ATP8A2: variants seen among roughly 807,000 people sequenced by gnomAD.
The protein encoded by ATP8A2 is phospholipid-transporting ATPase IB.
A neutral mutation model predicts 165.6 loss-of-function variants in ATP8A2; 100 were observed. The ratio of observed to expected loss-of-function variants is 0.60; its 90% CI spans 0.51 to 0.71. The LOEUF is 0.71. ATP8A2 is among the 30% of genes least tolerant of loss of function. ATP8A2 has a pLI of 0.00. For synonymous variants in ATP8A2, 543 were observed against 548.8 expected (o/e 0.99, Z 0.15); for missense variants, 1,227 against 1,479.5 (o/e 0.83, Z 2.80).
intron 1 of ATP8A2, among the ~76,000 whole-genome samples, chr13:25,416,782 T>C (rs141717244): frequency 5.9e-5 from 9 of 152,236 alleles, no homozygotes; most frequent in Non-Finnish European, 1.0e-4. Context: ...ACTTTATTAA[T>C]ATTTATGATT....
At chr13:25,814,983 G>C (rs972086065) in intron 27 of ATP8A2, among the ~76,000 whole-genome samples, 2 of 151,902 alleles carry the variant, frequency 1.3e-5, no homozygotes, top group African/African-American at 2.4e-5. Flanking sequence ...GCAGTAGGCC[G>C]TGATTATACC....
intron 35 of ATP8A2, among the ~76,000 whole-genome samples, chr13:25,979,068 AGTCTCTGTCACTAGTG>A (rs1956126295): frequency 6.7e-6 from 1 of 150,192 alleles, no homozygotes. Flanking sequence ...ACTAGTGACT[AGTCTCTGTCACTAGTG>A]GTCTCTGTCA....
At chr13:25,769,463 G>T (rs1177688966) in intron 26 of ATP8A2, among the ~76,000 whole-genome samples, 1 of 152,210 alleles carries the variant, frequency 6.6e-6, no homozygotes, top group Non-Finnish European at 1.5e-5. Context: ...TGGCCAAGCT[G>T]CTCTGTGATC....
intron 33 of ATP8A2, among the ~76,000 whole-genome samples, chr13:25,907,430 G>A (rs953070954): frequency 1.3e-5 from 2 of 152,160 alleles, no homozygotes; most frequent in Admixed American, 6.5e-5. Flanking sequence ...TTGGATAATC[G>A]TTTACTAACA....
chr13:25,424,241 G>A (rs2034379882), intron 1 of ATP8A2, among the ~76,000 whole-genome samples: 2 of 152,158 alleles, frequency 1.3e-5, no homozygotes, highest in Non-Finnish European at 2.9e-5. Flanking sequence ...AATATGTGTT[G>A]ACCGAAGATA....
intron 24 of ATP8A2, among the ~76,000 whole-genome samples, chr13:25,656,524 C>A (rs192400642): frequency 6.6e-6 from 1 of 151,970 alleles, no homozygotes; most frequent in South Asian, 2.1e-4. Context: ...CTGCCCACCT[C>A]GGCCTCCGAA....
chr13:25,594,357 T>C (rs1258241589), intron 24 of ATP8A2, among the ~76,000 whole-genome samples: 1 of 152,176 alleles, frequency 6.6e-6, no homozygotes, highest in East Asian at 1.9e-4. Flanking sequence ...TAGCAATAAT[T>C]AAGTTGAATA....
At chr13:25,963,373 G>GTA (rs1955704058) in intron 34 of ATP8A2, among the ~76,000 whole-genome samples, 1 of 135,776 alleles carries the variant, frequency 7.4e-6, no homozygotes, top group Non-Finnish European at 1.5e-5. Flanking sequence ...CAGCCTGGGC[G>GTA]ACAGAGCGAG....
intron 1 of ATP8A2, among the ~76,000 whole-genome samples, chr13:25,404,435 A>G (rs9553609): frequency 0.13 from 19,290 of 152,070 alleles, 1,848 homozygotes; most frequent in African/African-American, 0.26. Flanking sequence ...CCGTGCCACA[A>G]TGAGATTCAC....
At chr13:25,377,789 C>G (rs1033542893) in intron 1 of ATP8A2, among the ~76,000 whole-genome samples, 1 of 151,994 alleles carries the variant, frequency 6.6e-6, no homozygotes. Flanking sequence ...GAGACTCTCT[C>G]TCTAACAAAA....
At position 26,006,185 on chromosome 13, in the gene ATP8A2, T is replaced by C. The variant is rs76917935; in HGVS notation, c.3378-6346T>C. Among the ~76,000 whole-genome samples the C allele has an allele frequency of 1.3e-3, 203 of 152,204 alleles. 1 individual carries two copies. The highest frequency in any genetic ancestry group is 6.6e-3 in the South Asian group (32 of 4,832). On this transcript the variant is annotated intron_variant, in intron 35 of 36. Transcript: ENST00000381655. ...TTCAATTTATTTGGGATGTCTTTAA[T>C]GTTTTCAGAAGTGTTTTATAGTTTT...
chr13:25,698,758 T>G (rs1369345503), intron 24 of ATP8A2, among the ~76,000 whole-genome samples: 1 of 152,188 alleles, frequency 6.6e-6, no homozygotes, highest in African/African-American at 2.4e-5. Context: ...GGATTCAAAA[T>G]TAATATTTTG....
intron 35 of ATP8A2, among the ~76,000 whole-genome samples, chr13:26,003,790 G>A (rs1289074406): frequency 6.6e-6 from 1 of 152,050 alleles, no homozygotes; most frequent in East Asian, 1.9e-4. Flanking sequence ...TTTCTTCATT[G>A]TGTGTTATTA....
At position 26,011,822 on chromosome 13, in the gene ATP8A2, C is replaced by T. The variant is rs566297284; in HGVS notation, c.3378-709C>T. On this transcript the variant is annotated intron_variant, in intron 35 of 36. Transcript: ENST00000381655. Reference sequence around the variant, plus strand: ...TGGTGATGCACACCTGGGGTCCCAGCTACTCAGGAGGCTGAGGTGGGAGAG... The same window carrying T: ...TGGTGATGCACACCTGGGGTCCCAGTTACTCAGGAGGCTGAGGTGGGAGAG... Among the ~76,000 whole-genome samples, 225 of 152,224 alleles carry T rather than the reference C, an allele frequency of 1.5e-3. 1 individual carries two copies. Among genetic ancestry groups the T allele is most frequent in the African/African-American group, 5.1e-3 (214 of 41,554 alleles).
chr13:25,810,184 G>A (rs1950832234), intron 27 of ATP8A2, among the ~76,000 whole-genome samples: 1 of 152,172 alleles, frequency 6.6e-6, no homozygotes, highest in Admixed American at 6.5e-5. Context: ...TCTGAACGAG[G>A]CTTCTTACTG....
At chr13:25,943,495 T>C (rs1413888164) in intron 33 of ATP8A2, among the ~76,000 whole-genome samples, 1 of 152,168 alleles carries the variant, frequency 6.6e-6, no homozygotes, top group African/African-American at 2.4e-5. Context: ...CAGCTTGTAG[T>C]CTACAAGCAA....
At chr13:25,707,000 C>A (rs1266243276) in intron 25 of ATP8A2, among the ~76,000 whole-genome samples, 3 of 152,054 alleles carry the variant, frequency 2.0e-5, no homozygotes, top group Non-Finnish European at 4.4e-5. Flanking sequence ...TTCTTCAGCA[C>A]CATCTTGGAA....
chr13:25,550,680 C>T lies in ATP8A2; in HGVS notation c.892-658C>T, dbSNP rs965040078. ...TCCGTTTCTCCTTTGCTGTCTACAT[C>T]ATTCAGGATGCCACTCAGCTTTCTC... On this transcript the variant is annotated intron_variant, in intron 10 of 36. Transcript: ENST00000381655. Among the ~76,000 whole-genome samples, 29 of 152,204 alleles carry T rather than the reference C, an allele frequency of 1.9e-4. 1 individual carries two copies. The highest frequency in any genetic ancestry group is 6.8e-4 in the African/African-American group (28 of 41,458).
chr13:25,855,663 T>A (rs1158085503), intron 30 of ATP8A2, among the ~76,000 whole-genome samples: 1 of 152,214 alleles, frequency 6.6e-6, no homozygotes, highest in East Asian at 1.9e-4. Flanking sequence ...TATGTTTTCA[T>A]TTCTCTTGGA....
Sources: gnomAD v4.1 joint callset for allele counts (sites outside exome capture counted in the v4.1 genomes callset) on GRCh38, gnomAD v4.1.1 for gene constraint, MANE v1.5 for transcripts, NCBI Gene and HGNC (gene_info 2026-07-23, HGNC 2026-07-21) for gene names.